EPB41L3: variants seen among roughly 807,000 people sequenced by gnomAD.
EPB41L3 encodes the protein band 4.1-like protein 3.
Under a neutral mutation model 127.1 loss-of-function variants are expected in EPB41L3, and 57 were observed. That is an observed-to-expected ratio of 0.45 (90% CI 0.36 to 0.56). The LOEUF (loss-of-function observed/expected upper bound fraction) is 0.56, where lower values mean the gene tolerates loss of function less well. Among genes scored for constraint, EPB41L3 ranks in the 20% least tolerant of loss-of-function variants. The pLI is 0.00. For missense variants in EPB41L3, 1,273 were observed against 1,372.2 expected, an observed-to-expected ratio of 0.93 and a Z score of 1.14; for synonymous variants, 572 against 549.5, an observed-to-expected ratio of 1.04 and a Z score of -0.57.
At chr18:5,521,990 A>G (rs2093009517) in intron 1 of EPB41L3, among the ~76,000 whole-genome samples, 1 of 152,254 alleles carries the variant, frequency 6.6e-6, no homozygotes, top group African/African-American at 2.4e-5. Context: ...ACTTGTAGCA[A>G]TAATGCAATT....
intron 5 of EPB41L3, among the ~76,000 whole-genome samples, chr18:5,439,324 C>T (rs562422316): frequency 1.5e-3 from 233 of 152,262 alleles, no homozygotes; most frequent in African/African-American, 5.4e-3. Context: ...CCCTGTCTCT[C>T]CATTAAATGA....
At chr18:5,436,648 T>C (rs983857446) in intron 6 of EPB41L3, among the ~76,000 whole-genome samples, 1 of 152,082 alleles carries the variant, frequency 6.6e-6, no homozygotes, top group Non-Finnish European at 1.5e-5. Flanking sequence ...GACCTCATGA[T>C]CCACCTGCCT....
intron 8 of EPB41L3, among the ~76,000 whole-genome samples, chr18:5,430,779 G>T (rs1382569607): frequency 6.6e-6 from 1 of 151,118 alleles, no homozygotes; most frequent in African/African-American, 2.4e-5. Context: ...ATTCTATCAG[G>T]TCTCGAACAC....
chr18:5,539,246 CTT>C (rs1226962681), intron 1 of EPB41L3, among the ~76,000 whole-genome samples: 4 of 17,702 alleles, frequency 2.3e-4, no homozygotes, highest in African/African-American at 6.2e-4. Flanking sequence ...GACCTTTCTG[CTT>C]TCTCTCTCTC....
At chr18:5,621,633 C>T (rs1012149146) in intron 1 of EPB41L3, among the ~76,000 whole-genome samples, 2 of 152,010 alleles carry the variant, frequency 1.3e-5, no homozygotes, top group East Asian at 1.9e-4. Context: ...CTCAGCTATT[C>T]GGGAGGCTGA....
At chr18:5,505,935 C>T (rs1365771018) in intron 1 of EPB41L3, among the ~76,000 whole-genome samples, 1 of 151,078 alleles carries the variant, frequency 6.6e-6, no homozygotes, top group Admixed American at 6.6e-5. Flanking sequence ...ACACCTTCAC[C>T]TCTTACCCTC....
chr18:5,585,896 C>A (rs1425524629), intron 3 of EPB41L3, among the ~76,000 whole-genome samples: 1 of 152,178 alleles, frequency 6.6e-6, no homozygotes. Context: ...ATCCCTCTGC[C>A]AGTGGCCTCA....
chr18:5,623,578 T>C (rs972915190), intron 1 of EPB41L3, among the ~76,000 whole-genome samples: 1 of 152,184 alleles, frequency 6.6e-6, no homozygotes, highest in Non-Finnish European at 1.5e-5. Context: ...GTCATCTTCT[T>C]ATAATAATTT....
chr18:5,545,111 G>T (rs866571147), upstream of EPB41L3, among the ~76,000 whole-genome samples: 2 of 152,096 alleles, frequency 1.3e-5, no homozygotes, highest in Non-Finnish European at 2.9e-5. Context: ...GGCAAGAGTA[G>T]CTATAATATA....
At chr18:5,597,588 C>T (rs1185534373) in intron 3 of EPB41L3, among the ~76,000 whole-genome samples, 1 of 152,104 alleles carries the variant, frequency 6.6e-6, no homozygotes, top group Admixed American at 6.5e-5. Context: ...GATGAATATA[C>T]AATATAAAAC....
At chr18:5,480,662 C>G (rs74980340) in intron 2 of EPB41L3, among the ~76,000 whole-genome samples, 9,299 of 152,134 alleles carry the variant, frequency 0.061, 380 homozygotes, top group Middle Eastern at 0.13. Context: ...TTTTGTAGAC[C>G]AAGTGAGGCT....
rs2073774196 is a variant in EPB41L3 at position 5,397,558 on chromosome 18, A to C, written c.2473-132T>G. 29 of 1,127,266 alleles carry C rather than the reference A, an allele frequency of 2.6e-5. No homozygotes were observed. The South Asian group carries it at 4.5e-4, about 17-fold the overall frequency. The allele number at this position is 1,127,266 out of a possible 1,614,324, so 69.8% of individuals were successfully genotyped here. ...TTATAACCAGAAACACTGACGAAAA[A>C]TATAAATTAGCTTTCATTTCTCCCA... is the stretch of plus-strand genomic sequence containing the variant. On this transcript the variant is annotated intron_variant, in intron 17 of 22. Coordinates refer to ENST00000341928, the MANE Select transcript of EPB41L3 (RefSeq NM_012307.5). This position sits in a 1 kb window ranked among gnomAD's most constrained non-coding sequence, Gnocchi z 4.1.
At chr18:5,473,834 G>A (rs2086622700) in intron 3 of EPB41L3, among the ~76,000 whole-genome samples, 1 of 152,082 alleles carries the variant, frequency 6.6e-6, no homozygotes, top group African/African-American at 2.4e-5. Context: ...ATGAAAATCT[G>A]GCAGAGTGTA....
At chr18:5,524,511 A>C (rs1359771804) in intron 1 of EPB41L3, among the ~76,000 whole-genome samples, 5 of 152,190 alleles carry the variant, frequency 3.3e-5, no homozygotes, top group African/African-American at 1.2e-4. Flanking sequence ...CTTAACTACT[A>C]TAGTACACAG....
At chr18:5,398,610 T>C (rs1333548438) in intron 16 of EPB41L3, 27 of 402,136 alleles carry the variant, frequency 6.7e-5, no homozygotes, top group Non-Finnish European at 1.1e-4. Flanking sequence ...ACTGTCATGC[T>C]GGAATTGCAA....
intron 1 of EPB41L3, among the ~76,000 whole-genome samples, chr18:5,519,540 A>G (rs1011734728): frequency 3.3e-5 from 5 of 152,192 alleles, no homozygotes; most frequent in Non-Finnish European, 7.3e-5. Context: ...CAAACTGCTG[A>G]ACTCCTTTTT....
At chr18:5,401,036 T>A in intron 16 of EPB41L3, 1 of 1,534,110 alleles carries the variant, frequency 6.5e-7, no homozygotes, top group Non-Finnish European at 8.7e-7. Flanking sequence ...CTCTGTTTCT[T>A]CTTTGGTCTG....
intron 3 of EPB41L3, among the ~76,000 whole-genome samples, chr18:5,449,109 C>T (rs1234791073): frequency 6.6e-6 from 1 of 152,024 alleles, no homozygotes; most frequent in Non-Finnish European, 1.5e-5. Flanking sequence ...AGAACTGGTA[C>T]CCAAGATATA....
chr18:5,497,873 A>G (rs190784348), intron 1 of EPB41L3, among the ~76,000 whole-genome samples: 3 of 152,352 alleles, frequency 2.0e-5, no homozygotes, highest in East Asian at 1.9e-4. Context: ...TGAGAACCCA[A>G]CTAATGGATA....
Sources: allele counts gnomAD v4.1 joint callset (sites outside exome capture counted in the v4.1 genomes callset), GRCh38; gene constraint gnomAD v4.1.1; non-coding constraint Gnocchi (gnomAD v3.1); transcripts MANE v1.5; gene names NCBI Gene and HGNC (gene_info 2026-07-23, HGNC 2026-07-21).